Variants in RRM2 observed in about 807,000 individuals in gnomAD.
RRM2 encodes the protein ribonucleotide reductase regulatory subunit M2, also known as ribonucleoside-diphosphate reductase subunit M2.
In RRM2, 6 loss-of-function variants were observed where a neutral mutation model predicts 45.9. The observed-to-expected ratio is 0.13, with a 90% CI of 0.07 to 0.26. The LOEUF is 0.26. RRM2 is among the 10% of genes least tolerant of loss of function. RRM2 has a pLI of 1.00. For synonymous variants in RRM2, 177 were observed against 173.0 expected, an observed-to-expected ratio of 1.02 and a Z score of -0.18; for missense variants, 343 against 489.5, an observed-to-expected ratio of 0.70 and a Z score of 2.82.
chr2:10,139,589 GTCTGT>G (rs1663044653), upstream of RRM2, among the ~76,000 whole-genome samples: 1 of 152,198 alleles, frequency 6.6e-6, no homozygotes, highest in African/African-American at 2.4e-5. Context: ...TGGATTTGGG[GTCTGT>G]TCTTTCTCAT....
At chr2:10,210,730 G>A (rs1664747750) in exon 4 of RRM2, 2 of 687,900 alleles carry the variant, frequency 2.9e-6, no homozygotes, top group Middle Eastern at 6.2e-4. Context: ...GGAGCACTGT[G>A]GACTGAATGC....
In RRM2 at chr2:10,142,028, T is replaced by C. The variant is rs1027467275; in HGVS notation, n.361+74T>C. ...GGGGCGGGCTATGCCCCTTGCTCTT[T>C]CATGTGGGGAGCCAGAGGGAGCCAG... On this transcript the variant is annotated intron_variant and non_coding_transcript_variant, in intron 2 of 3. Transcript: ENST00000381786. The C allele has an allele frequency of 1.1e-4, 168 of 1,584,948 alleles. 2 individuals carry two copies. In the South Asian group the frequency reaches 1.9e-3, roughly 18 times the overall value.
At chr2:10,184,091 T>TAA (rs60421650) in intron 3 of RRM2, among the ~76,000 whole-genome samples, 408 of 30,652 alleles carry the variant, frequency 0.013, 67 homozygotes, top group African/African-American at 0.042. Flanking sequence ...AGACTCCATC[T>TAA]AAAAAAAAAA....
upstream of RRM2, among the ~76,000 whole-genome samples, chr2:10,138,573 T>A (rs1430956722): frequency 6.6e-6 from 1 of 151,582 alleles, no homozygotes; most frequent in Non-Finnish European, 1.5e-5. Flanking sequence ...CGTGTTGGGA[T>A]TACAGGTGTG....
At chr2:10,136,254 AGAT>A (rs979959505), downstream of RRM2, among the ~76,000 whole-genome samples, 39 of 152,216 alleles carry the variant, frequency 2.6e-4, no homozygotes, top group African/African-American at 8.9e-4. Context: ...GTTGAGGCCC[AGAT>A]GATACCAGGT....
At chr2:10,131,454 A>G (rs1208169398), downstream of RRM2, 1 of 152,216 alleles carries the variant, frequency 6.6e-6, no homozygotes, top group Non-Finnish European at 1.5e-5. Context: ...ATTCAGGAAG[A>G]GAAATATTTT....
chr2:10,190,016 G>A (rs920703326), intron 3 of RRM2, among the ~76,000 whole-genome samples: 9 of 151,732 alleles, frequency 5.9e-5, no homozygotes, highest in African/African-American at 2.2e-4. Flanking sequence ...AGATGATGGT[G>A]ATGATGGTGG....
At chr2:10,148,857 T>C (rs1293074285) in intron 3 of RRM2, among the ~76,000 whole-genome samples, 1 of 152,222 alleles carries the variant, frequency 6.6e-6, no homozygotes, top group African/African-American at 2.4e-5. Flanking sequence ...GGGTCCTTTG[T>C]AGATCTTCCA....
Position 10,123,466 on chromosome 2 carries a change from T to C in RRM2, c.254T>C (p.Ile85Thr). 2 of 1,614,016 alleles carry C rather than the reference T, an allele frequency of 1.2e-6. No individual in the cohort carries two copies. Among genetic ancestry groups the C allele is most frequent in the African/African-American group, 1.3e-5 (1 of 75,028 alleles). The change falls in exon 3 of 10, where the codon ATC becomes ACC. Residue 85 changes from isoleucine (I) to threonine (T), a missense_variant. By Grantham distance (89) the Ile-to-Thr change is moderately conservative (BLOSUM62 -1). Around this residue, in one of 2 missense-constraint regions of RRM2, gnomAD observed 131 missense variants for 121.4 expected, o/e 1.08. Coordinates refer to ENST00000304567, the MANE Select transcript of RRM2 (RefSeq NM_001034.4). The stretch of plus-strand genomic sequence containing the variant: ...CCCCGCCGCTTTGTCATCTTCCCCA[T>C]CGAGTACCATGATATCTGGCAGATG... ...ENPRRFVIFP[I>T]EYHDIWQMYK...
In RRM2 at chr2:10,195,046, TG is replaced by T. The variant is rs1664385400; in HGVS notation, n.483-15264del. Among the ~76,000 whole-genome samples the T allele has an allele frequency of 6.6e-6, 1 of 152,102 alleles. No individual in the cohort carries two copies. The highest frequency in any genetic ancestry group is 1.5e-5 in the Non-Finnish European group (1 of 68,036). On this transcript the variant is annotated intron_variant and non_coding_transcript_variant, in intron 3 of 3. Coordinates refer to the RRM2 transcript ENST00000381786. This position sits in a 1 kb window ranked among gnomAD's most constrained non-coding sequence, Gnocchi z 4.9. ...GACCACCAAAACCCTCACGAGGCCATGTGGTCGTGGCTACGGGTTTAATCTA... is the reference window on the plus strand; with the variant it reads ...GACCACCAAAACCCTCACGAGGCCATTGGTCGTGGCTACGGGTTTAATCTA...
At chr2:10,158,751 C>G (rs1663488108) in intron 3 of RRM2, among the ~76,000 whole-genome samples, 1 of 152,114 alleles carries the variant, frequency 6.6e-6, no homozygotes, top group South Asian at 2.1e-4. Context: ...GGGAGACTGG[C>G]ATGGGGGCCG....
chr2:10,134,787 A>G (rs573442385), downstream of RRM2, among the ~76,000 whole-genome samples: 2 of 152,314 alleles, frequency 1.3e-5, no homozygotes, highest in African/African-American at 2.4e-5. Context: ...GTTGGAAGGG[A>G]TGTATCTAAG....
In RRM2 at chr2:10,123,509, T is replaced by G; in HGVS notation, c.297T>G (p.Ala99=). 6.2e-7 allele frequency: 1 copy of G among 1,613,552 alleles called. No homozygotes were observed. The highest frequency in any genetic ancestry group is 8.5e-7 in the Non-Finnish European group (1 of 1,179,820). ...GGCAGATGTATAAGAAGGCAGAGGC[T>G]TCCTTTTGGACCGCCGAGGAGGTAA... The part of the protein sequence containing the change: ...DIWQMYKKAE[A]SFWTAEEVDL... Residue 99 remains alanine, a synonymous_variant, in exon 3 of 10, where the codon GCT becomes GCG. Coordinates refer to ENST00000304567, the MANE Select transcript of RRM2 (RefSeq NM_001034.4).
At chr2:10,165,124 T>C (rs778728570) in intron 3 of RRM2, among the ~76,000 whole-genome samples, 75 of 152,108 alleles carry the variant, frequency 4.9e-4, no homozygotes, top group Non-Finnish European at 7.4e-5. Context: ...GCTGATTTTT[T>C]ATATTTTGTA....
intron 3 of RRM2, among the ~76,000 whole-genome samples, chr2:10,165,194 G>A (rs1572511785): frequency 6.6e-6 from 1 of 152,132 alleles, no homozygotes; most frequent in Non-Finnish European, 1.5e-5. Context: ...CAAGCAATCC[G>A]GCTGCCTCGA....
chr2:10,205,084 C>A lies in RRM2; in HGVS notation n.483-5227C>A, dbSNP rs1195979369. Among the ~76,000 whole-genome samples the A allele has an allele frequency of 6.6e-6, 1 of 152,250 alleles. No homozygotes were observed. Among genetic ancestry groups the A allele is most frequent in the African/African-American group, 2.4e-5 (1 of 41,470 alleles). On this transcript the variant is annotated intron_variant and non_coding_transcript_variant, in intron 3 of 3. Coordinates refer to the RRM2 transcript ENST00000381786. This position sits in a 1 kb window ranked among gnomAD's most constrained non-coding sequence, Gnocchi z 4.8. ...TGTTTTCAGTGCCCAGCTCCCTAAG[C>A]CTTCTTTGTCCTTACCGTCTCTTCA...
At chr2:10,194,126 T>C (rs947575415) in intron 3 of RRM2, among the ~76,000 whole-genome samples, 3 of 152,212 alleles carry the variant, frequency 2.0e-5, no homozygotes, top group African/African-American at 7.2e-5. Flanking sequence ...TGAGTCATCG[T>C]TGAAAGGAAA....
chr2:10,160,514 G>C (rs978687012), intron 3 of RRM2, among the ~76,000 whole-genome samples: 6 of 152,238 alleles, frequency 3.9e-5, no homozygotes, highest in Non-Finnish European at 8.8e-5. Context: ...ACCAGGGAGA[G>C]GAGGCTGGCA....
At chr2:10,194,099 C>T (rs1664364553) in intron 3 of RRM2, among the ~76,000 whole-genome samples, 6 of 152,144 alleles carry the variant, frequency 3.9e-5, no homozygotes, top group South Asian at 4.1e-4. Flanking sequence ...TACTCCAAAA[C>T]GCCTCATTTC....
Sources: allele counts gnomAD v4.1 joint callset (sites outside exome capture counted in the v4.1 genomes callset), GRCh38; gene constraint gnomAD v4.1.1; regional missense constraint gnomAD v4.1.1; non-coding constraint Gnocchi (gnomAD v3.1); transcripts MANE v1.5; gene names NCBI Gene and HGNC (gene_info 2026-07-23, HGNC 2026-07-21).